The following ENOX2 variants were observed in gnomAD, a reference collection of about 807,000 sequenced individuals.
ENOX2 encodes APK1 antigen.
A neutral mutation model predicts 45.0 loss-of-function variants in ENOX2; 36 were observed. That is an observed-to-expected ratio of 0.80 (90% confidence interval 0.61 to 1.06). The LOEUF is 1.06. Ranked by LOEUF, ENOX2 falls within the 50% of genes least tolerant of loss-of-function variation. The pLI, the probability that ENOX2 is intolerant of heterozygous loss-of-function variation, is 0.00. For missense variants in ENOX2, 423 were observed against 462.5 expected (o/e 0.91, Z 0.78); for synonymous variants, 174 against 152.3 (o/e 1.14, Z -1.05).
chrX:130,640,003 T>G (rs1347767145), intron 10 of ENOX2, among the ~76,000 whole-genome samples: 2 of 112,205 alleles, frequency 1.8e-5, no homozygotes, highest in Non-Finnish European at 3.8e-5. Flanking sequence ...AAGATCAAGG[T>G]GCCAGTATCT....
chrX:130,768,428 T>C (rs1376999778), intron 3 of ENOX2, among the ~76,000 whole-genome samples: 1 of 111,948 alleles, frequency 8.9e-6, no homozygotes, highest in Non-Finnish European at 1.9e-5. Flanking sequence ...AATACACCCT[T>C]AGGCATGTTG....
At chrX:130,737,924 T>G (rs181858768) in intron 3 of ENOX2, among the ~76,000 whole-genome samples, 2 of 111,940 alleles carry the variant, frequency 1.8e-5, no homozygotes, top group East Asian at 5.6e-4. Flanking sequence ...GGAGTCAAGA[T>G]GCTAGGTGCT....
At chrX:130,762,123 C>T (rs768514999) in intron 3 of ENOX2, among the ~76,000 whole-genome samples, 1 of 111,858 alleles carries the variant, frequency 8.9e-6, no homozygotes, top group Admixed American at 9.4e-5. Context: ...TCTTATTTCT[C>T]TAAACTTTTA....
intron 4 of ENOX2, among the ~76,000 whole-genome samples, chrX:130,702,395 G>A (rs2037921213): frequency 1.8e-5 from 2 of 111,389 alleles, no homozygotes; most frequent in South Asian, 7.6e-4. Context: ...TTTAAGTAAA[G>A]TCACAATTAA....
chrX:130,881,672 C>T (rs1054313151), intron 2 of ENOX2, among the ~76,000 whole-genome samples: 6 of 111,477 alleles, frequency 5.4e-5, no homozygotes, highest in African/African-American at 1.3e-4. Flanking sequence ...AAGCCCTTAT[C>T]GCTATACAAA....
At chrX:130,867,837 A>C (rs2078514821) in intron 2 of ENOX2, among the ~76,000 whole-genome samples, 1 of 111,831 alleles carries the variant, frequency 8.9e-6, no homozygotes, top group Admixed American at 9.5e-5. Flanking sequence ...CTATGTAAAA[A>C]GCTGCTAGTT....
chrX:130,698,327 C>T (rs1008945432), intron 4 of ENOX2, among the ~76,000 whole-genome samples: 1 of 109,699 alleles, frequency 9.1e-6, no homozygotes, highest in Non-Finnish European at 1.9e-5. Context: ...GATGACGCCT[C>T]GGTCTTTTTT....
At chrX:130,645,801 C>T in intron 10 of ENOX2, 1 of 793,079 alleles carries the variant, frequency 1.3e-6, no homozygotes, top group East Asian at 3.3e-5. Context: ...TGGGCTGTCG[C>T]TTGTCTACTT....
intron 2 of ENOX2, among the ~76,000 whole-genome samples, chrX:130,807,522 C>G (rs1274623487): frequency 9.0e-6 from 1 of 111,683 alleles, no homozygotes; most frequent in African/African-American, 3.3e-5. Flanking sequence ...CTAGAAGTCA[C>G]AGCTAATTAA....
Position 130,679,760 on chromosome X carries a change from G to C in ENOX2, c.254-12C>G. On this transcript the variant is annotated splice_polypyrimidine_tract_variant and intron_variant, in intron 5 of 14. Coordinates refer to ENST00000394363, the MANE Select transcript of ENOX2 (RefSeq NM_006375.4). Reference sequence around the variant, plus strand: ...AGGAGGTGGGAGATCTAAGTTGTAAGGGCAAAAACATTTGAAATTAAAATG... The same window carrying C: ...AGGAGGTGGGAGATCTAAGTTGTAACGGCAAAAACATTTGAAATTAAAATG... 8.6e-7 allele frequency: 1 copy of C among 1,156,866 alleles called. No homozygotes were observed. Among genetic ancestry groups the C allele is most frequent in the Non-Finnish European group, 1.2e-6 (1 of 845,555 alleles).
intron 2 of ENOX2, among the ~76,000 whole-genome samples, chrX:130,884,273 C>T (rs1337460348): frequency 1.8e-5 from 2 of 112,286 alleles, no homozygotes; most frequent in East Asian, 2.8e-4. Flanking sequence ...AAGATACCAT[C>T]TTAGATAAGG....
intron 13 of ENOX2, among the ~76,000 whole-genome samples, chrX:130,628,496 C>T (rs1394662455): frequency 8.9e-6 from 1 of 112,664 alleles, no homozygotes; most frequent in Admixed American, 9.4e-5. Flanking sequence ...TAGACTTTAG[C>T]CTCTTAGGTG....
At chrX:130,684,353 T>A (rs1336155555) in intron 5 of ENOX2, among the ~76,000 whole-genome samples, 1 of 112,158 alleles carries the variant, frequency 8.9e-6, no homozygotes, top group Admixed American at 9.4e-5. Context: ...GACTTGGGAA[T>A]AGAACACAGT....
chrX:130,848,822 A>C (rs1466631369), intron 2 of ENOX2, among the ~76,000 whole-genome samples: 1 of 108,183 alleles, frequency 9.2e-6, no homozygotes, highest in African/African-American at 3.5e-5. Context: ...CAAAACAAAC[A>C]AAAAAAAACC....
chrX:130,893,368 T>C (rs924295383), intron 2 of ENOX2, among the ~76,000 whole-genome samples: 2 of 111,869 alleles, frequency 1.8e-5, no homozygotes, highest in African/African-American at 6.5e-5. Context: ...ATTGGGGGCC[T>C]ACTATATGCA....
chrX:130,656,470 G>A, intron 10 of ENOX2, 111 bp downstream of exon 10: 2 of 486,441 alleles, frequency 4.1e-6, no homozygotes, highest in East Asian at 3.7e-5. Flanking sequence ...ATTTCTAGCT[G>A]GTATCCAGGC....
chrX:130,794,079 T>A (rs1466348320), intron 2 of ENOX2, among the ~76,000 whole-genome samples: 2 of 111,649 alleles, frequency 1.8e-5, no homozygotes, highest in Admixed American at 1.9e-4. Context: ...ATTGGAAAGA[T>A]GGTGATTCAT....
intron 2 of ENOX2, among the ~76,000 whole-genome samples, chrX:130,857,343 T>C (rs1603371804): frequency 8.9e-6 from 1 of 112,137 alleles, no homozygotes; most frequent in East Asian, 2.8e-4. Context: ...AGAGAAACTT[T>C]CTGGTGAGAT....
At chrX:130,814,552 G>A (rs979377791) in intron 2 of ENOX2, among the ~76,000 whole-genome samples, 11 of 111,892 alleles carry the variant, frequency 9.8e-5, no homozygotes, top group African/African-American at 3.6e-4. Context: ...GGAAAAAAGA[G>A]GCAGCAATCT....
Sources: gnomAD v4.1 joint callset for allele counts (sites outside exome capture counted in the v4.1 genomes callset) on GRCh38, gnomAD v4.1.1 for gene constraint, MANE v1.5 for transcripts, NCBI Gene and HGNC (gene_info 2026-07-23, HGNC 2026-07-21) for gene names.